RPL6: variants seen among roughly 807,000 people sequenced by gnomAD.
RPL6 encodes the protein ribosomal protein L6.
RPL6 carries 1 observed loss-of-function variant against 32.1 expected under a neutral mutation model. The observed-to-expected ratio is 0.03, with a 90% CI of 0.01 to 0.15. The LOEUF (loss-of-function observed/expected upper bound fraction) is 0.15. RPL6 is among the 10% of genes least tolerant of loss of function. The pLI, the probability that RPL6 is intolerant of heterozygous loss-of-function variation, is 1.00. For missense variants in RPL6, 275 were observed against 354.6 expected, an observed-to-expected ratio of 0.78 and a Z score of 1.80; for synonymous variants, 126 against 131.6, an observed-to-expected ratio of 0.96 and a Z score of 0.29.
At chr12:112,412,696 T>C (rs540807841), upstream of RPL6, among the ~76,000 whole-genome samples, 1 of 152,160 alleles carries the variant, frequency 6.6e-6, no homozygotes, top group South Asian at 2.1e-4. Flanking sequence ...AGCTGTATTT[T>C]TTGTTTGTTT....
upstream of RPL6, among the ~76,000 whole-genome samples, chr12:112,415,318 C>G (rs143404908): frequency 6.6e-6 from 1 of 152,186 alleles, no homozygotes; most frequent in Non-Finnish European, 1.5e-5. Context: ...CCTGTAAATC[C>G]AAGGCCTTGG....
At chr12:112,411,999 C>A (rs2037345731), upstream of RPL6, among the ~76,000 whole-genome samples, 1 of 151,846 alleles carries the variant, frequency 6.6e-6, no homozygotes, top group Admixed American at 6.6e-5. Context: ...CCTGCCTCAG[C>A]CTCTTGAGTA....
At chr12:112,414,633 G>A (rs577263155), upstream of RPL6, among the ~76,000 whole-genome samples, 2 of 152,302 alleles carry the variant, frequency 1.3e-5, no homozygotes, top group South Asian at 2.1e-4. Context: ...GCCAGGCGCC[G>A]TGGCTCACGC....
Position 112,406,864 on chromosome 12 carries a change from C to G in RPL6, c.363G>C (p.Val121=). 3 of 1,614,206 alleles carry G rather than the reference C, an allele frequency of 1.9e-6. No individual in the cohort carries two copies. Among genetic ancestry groups the G allele is most frequent in the Non-Finnish European group, 1.7e-6 (2 of 1,180,038 alleles). The change falls in exon 4 of 7, where the codon GTG becomes GTC. Residue 121 remains valine (V), a synonymous_variant. Coordinates refer to ENST00000202773, the MANE Select transcript of RPL6 (RefSeq NM_000970.6). ...TGCCGTGGCTCAACAGCTTTCGAGGCACATCTTCAGTAGGATAATATCTAG... is the reference window on the plus strand; with the variant it reads ...TGCCGTGGCTCAACAGCTTTCGAGGGACATCTTCAGTAGGATAATATCTAG... ...KMPRYYPTED[V]PRKLLSHGKK...
chr12:112,412,703 G>A (rs1042898346), upstream of RPL6, among the ~76,000 whole-genome samples: 2 of 151,882 alleles, frequency 1.3e-5, no homozygotes, highest in Non-Finnish European at 2.9e-5. Flanking sequence ...TTTTTTGTTT[G>A]TTTGTTAGGC....
Position 112,406,899 on chromosome 12 carries a change from A to C in RPL6, c.337-9T>G. Reference sequence around the variant, plus strand: ...GTAGGATAATATCTAGGCTGTGGAGAGTCCATAGATCCAACTTATTTAAAT... The same window carrying C: ...GTAGGATAATATCTAGGCTGTGGAGCGTCCATAGATCCAACTTATTTAAAT... On this transcript the variant is annotated splice_polypyrimidine_tract_variant and intron_variant, in intron 3 of 6. Coordinates refer to ENST00000202773, the MANE Select transcript of RPL6 (RefSeq NM_000970.6). The C allele has an allele frequency of 6.2e-7, 1 of 1,613,960 alleles. No individual in the cohort carries two copies. Among genetic ancestry groups the C allele is most frequent in the South Asian group, 1.1e-5 (1 of 91,054 alleles).
rs1161696033 is a variant in RPL6, at chr12:112,405,213, T to C, written c.*11A>G. On this transcript the variant is annotated 3_prime_UTR_variant, in exon 7 of 7. Coordinates refer to ENST00000202773, the MANE Select transcript of RPL6 (RefSeq NM_000970.6). ...AATGTAGTCAGCTATTTAATTAGGT[T>C]CTTAAGACATTTAGAACACCAATTT... The C allele has an allele frequency of 3.2e-6, 5 of 1,559,142 alleles. No homozygotes were observed. The highest frequency in any genetic ancestry group is 4.3e-6 in the Non-Finnish European group (5 of 1,158,092).
intron 1 of RPL6, among the ~76,000 whole-genome samples, chr12:112,416,078 C>A (rs1459854612): frequency 6.7e-6 from 1 of 149,618 alleles, no homozygotes; most frequent in Non-Finnish European, 1.5e-5. Flanking sequence ...CTTGCCTCAG[C>A]CTCCTGAGTA....
chr12:112,416,706 G>A (rs780270595), intron 1 of RPL6, among the ~76,000 whole-genome samples: 9 of 152,204 alleles, frequency 5.9e-5, no homozygotes, highest in Admixed American at 1.3e-4. Flanking sequence ...GAGCTACCGC[G>A]CCCCGAGTGA....
rs1014770007 is a variant in RPL6 at position 112,409,543 on chromosome 12, G to A, written c.-1+44C>T. ...TCCAGGTTCGGATGGCGAAGGATTG[G>A]GAGTCCTGAACTCAAGTCTTGCAGA... On this transcript the variant is annotated intron_variant, in intron 1 of 6. Transcript: ENST00000202773. The A allele has an allele frequency of 1.5e-5, 6 of 398,600 alleles. No individual in the cohort carries two copies. The East Asian group carries it at 2.1e-4, about 14-fold the overall frequency. The allele number at this position is 398,600 out of a possible 1,614,324, so 24.7% of individuals were successfully genotyped here.
At chr12:112,416,372 C>T (rs1295190694) in intron 1 of RPL6, among the ~76,000 whole-genome samples, 1 of 152,068 alleles carries the variant, frequency 6.6e-6, no homozygotes, top group Non-Finnish European at 1.5e-5. Context: ...ATCTCCTGAC[C>T]TCGTGATCCG....
At position 112,406,043 on chromosome 12, in the gene RPL6, G is replaced by A. The variant is rs1257393823; in HGVS notation, c.530-6C>T. ...TCGATTGAGGACCAGAGGTCCTAAG[G>A]GGGAAAAATTAATTTAGCAAGGAAA... On this transcript the variant is annotated splice_polypyrimidine_tract_variant and splice_region_variant and intron_variant, in intron 5 of 6. Transcript: ENST00000202773. The A allele has an allele frequency of 6.3e-6, 10 of 1,596,950 alleles. No individual in the cohort carries two copies. The highest frequency in any genetic ancestry group is 8.5e-6 in the Non-Finnish European group (10 of 1,171,824).
At chr12:112,418,459 G>A in intron 1 of RPL6, 1 of 185,546 alleles carries the variant, frequency 5.4e-6, no homozygotes. Context: ...GCCCAGGCTG[G>A]CCTCGAACTC....
chr12:112,406,451 T>G, intron 4 of RPL6, 109 bp from the exon 5 acceptor site: 1 of 973,484 alleles, frequency 1.0e-6, no homozygotes, highest in Non-Finnish European at 1.6e-6. Context: ...TACATGTATA[T>G]GTATACAGCT....
At position 112,406,179 on chromosome 12, in the gene RPL6, C is replaced by CAA; in HGVS notation, c.529+114_529+115insTT. 5 of 1,202,286 alleles carry CAA rather than the reference C, an allele frequency of 4.2e-6. 1 individual carries two copies. In the South Asian group the frequency reaches 6.6e-5, roughly 16 times the overall value. The allele number at this position is 1,202,286 out of a possible 1,614,324, so 74.5% of individuals were successfully genotyped here. A position where few individuals can be genotyped will look rare whatever the true frequency, so the allele number is the denominator to read the frequency against. ...GCACACAAGGCAATGAAATGGGCCT[C>CAA]AGACACTTGTGGCAATAAGTGTCTA... On this transcript the variant is annotated intron_variant, in intron 5 of 6. Coordinates refer to ENST00000202773, the MANE Select transcript of RPL6 (RefSeq NM_000970.6).
chr12:112,409,463 G>T (rs1405848160), intron 1 of RPL6, 124 bp downstream of exon 1: 4 of 398,668 alleles, frequency 1.0e-5, no homozygotes, highest in African/African-American at 6.2e-5. Flanking sequence ...CGTCTGGAAG[G>T]CCTCTCAGTT....
At chr12:112,415,250 C>CA (rs35718873), upstream of RPL6, among the ~76,000 whole-genome samples, 4 of 151,730 alleles carry the variant, frequency 2.6e-5, no homozygotes, top group African/African-American at 9.7e-5. Flanking sequence ...AGTGGGGAGA[C>CA]GGGGTGGTGA....
rs1474592328 is a variant in RPL6 at position 112,408,565 on chromosome 12, T to C, written c.92A>G (p.Asn31Ser). 1 of 1,605,590 alleles carries C rather than the reference T, an allele frequency of 6.2e-7. No homozygotes were observed. Among genetic ancestry groups the C allele is most frequent in the Non-Finnish European group, 8.5e-7 (1 of 1,179,432 alleles). Residue 31 changes from asparagine (N) to serine (S), a missense_variant, in exon 2 of 7, where the codon AAC becomes AGC. Coordinates refer to ENST00000202773, the MANE Select transcript of RPL6 (RefSeq NM_000970.6). ...CTTCTTGGGCTTTTTAGCTTTGAGG[T>C]TACCCTTTTTCACCTTGCCACCAGC... is the stretch of plus-strand genomic sequence containing the variant. ...VDAGGKVKKGNLKAKKPKKGK... is the reference protein window; with the variant it reads ...VDAGGKVKKGSLKAKKPKKGK...
chr12:112,410,057 C>T (rs903644491), upstream of RPL6, among the ~76,000 whole-genome samples: 3 of 151,372 alleles, frequency 2.0e-5, no homozygotes, highest in African/African-American at 7.3e-5. Flanking sequence ...CCTGTAATCC[C>T]AGCACTCCAA....
Sources: gnomAD v4.1 joint callset for allele counts (sites outside exome capture counted in the v4.1 genomes callset) on GRCh38, gnomAD v4.1.1 for gene constraint, MANE v1.5 for transcripts, NCBI Gene and HGNC (gene_info 2026-07-23, HGNC 2026-07-21) for gene names.